EGFLAM: variants seen among roughly 807,000 people sequenced by gnomAD.
EGFLAM encodes the protein pikachurin.
EGFLAM carries 79 observed loss-of-function variants against 113.1 expected under a neutral mutation model. That is an observed-to-expected ratio of 0.70 (90% CI 0.58 to 0.84). The LOEUF (loss-of-function observed/expected upper bound fraction) is 0.84, where lower values mean the gene tolerates loss of function less well. Ranked by LOEUF, EGFLAM falls within the 40% of genes least tolerant of loss-of-function variation. The probability of loss-of-function intolerance (pLI) is 0.00; values close to 1 mark genes in which losing one functional copy is unlikely to be tolerated. For missense variants in EGFLAM, 1,265 were observed against 1,291.6 expected (o/e 0.98, Z 0.32); for synonymous variants, 504 against 487.6 (o/e 1.03, Z -0.44).
chr5:38,434,343 C>T (rs533838157), intron 15 of EGFLAM, among the ~76,000 whole-genome samples: 2 of 152,322 alleles, frequency 1.3e-5, no homozygotes, highest in South Asian at 2.1e-4. Flanking sequence ...GCTGATATCA[C>T]CTGCTCTTTT....
chr5:38,362,831 C>T (rs1056622595), intron 5 of EGFLAM, among the ~76,000 whole-genome samples: 8 of 152,162 alleles, frequency 5.3e-5, no homozygotes, highest in Admixed American at 2.0e-4. Context: ...ACCTGTAGTT[C>T]GGCAAATTGA....
chr5:38,323,678 G>T (rs1247399131), intron 1 of EGFLAM, among the ~76,000 whole-genome samples: 1 of 151,982 alleles, frequency 6.6e-6, no homozygotes, highest in Non-Finnish European at 1.5e-5. Context: ...GGAAGCACTA[G>T]CATGTTTCTA....
At chr5:38,312,601 A>G (rs1738485977) in intron 1 of EGFLAM, among the ~76,000 whole-genome samples, 1 of 152,158 alleles carries the variant, frequency 6.6e-6, no homozygotes, top group Non-Finnish European at 1.5e-5. Flanking sequence ...AATATATGGG[A>G]TCAGTTAAAA....
chr5:38,441,660 G>A (rs564534267), intron 17 of EGFLAM, among the ~76,000 whole-genome samples: 1 of 151,688 alleles, frequency 6.6e-6, no homozygotes, highest in Non-Finnish European at 1.5e-5. Flanking sequence ...GGCTTCTATG[G>A]TGAAATACAT....
intron 1 of EGFLAM, chr5:38,290,483 C>G (rs1758295682): frequency 6.6e-6 from 1 of 152,148 alleles, no homozygotes; most frequent in Admixed American, 6.5e-5. Flanking sequence ...GTGCAGTGAG[C>G]AAGATTTAAA....
At chr5:38,414,460 T>A (rs914377435) in intron 11 of EGFLAM, among the ~76,000 whole-genome samples, 5 of 152,220 alleles carry the variant, frequency 3.3e-5, no homozygotes, top group African/African-American at 1.2e-4. Context: ...GGTCATGTGG[T>A]AACAAGAAGC....
chr5:38,315,709 C>T (rs1738575790), intron 1 of EGFLAM, among the ~76,000 whole-genome samples: 1 of 152,184 alleles, frequency 6.6e-6, no homozygotes, highest in Non-Finnish European at 1.5e-5. Flanking sequence ...TATTTAATCT[C>T]TCTCTCGGCT....
At chr5:38,361,552 G>A (rs1561293861) in intron 5 of EGFLAM, among the ~76,000 whole-genome samples, 1 of 152,046 alleles carries the variant, frequency 6.6e-6, no homozygotes, top group Non-Finnish European at 1.5e-5. Flanking sequence ...TGGCTTCCCT[G>A]GGCCACATTG....
At chr5:38,335,252 T>G (rs1217502527) in intron 1 of EGFLAM, among the ~76,000 whole-genome samples, 1 of 152,238 alleles carries the variant, frequency 6.6e-6, no homozygotes, top group African/African-American at 2.4e-5. Context: ...CTAGAAACAC[T>G]GGCACATGTG....
intron 3 of EGFLAM, among the ~76,000 whole-genome samples, chr5:38,339,798 A>T (rs1003476140): frequency 6.6e-6 from 1 of 152,186 alleles, no homozygotes; most frequent in Non-Finnish European, 1.5e-5. Context: ...GAAGGAATAG[A>T]TGCACATTTC....
chr5:38,416,167 A>G (rs55976311), intron 11 of EGFLAM, among the ~76,000 whole-genome samples: 23,185 of 152,146 alleles, frequency 0.15, 1,860 homozygotes, highest in East Asian at 0.24. Flanking sequence ...GTAAAGCAGG[A>G]CCACAGATGT....
intron 1 of EGFLAM, among the ~76,000 whole-genome samples, chr5:38,321,268 G>A (rs906406212): frequency 6.6e-5 from 10 of 152,062 alleles, no homozygotes; most frequent in South Asian, 2.1e-4. Flanking sequence ...AATAGGGTTC[G>A]TGCTCCTATG....
In EGFLAM at chr5:38,337,592, T is replaced by G. The variant is rs774903237; in HGVS notation, c.170T>G (p.Met57Arg). Residue 57 changes from methionine (M) to arginine (R), a missense_variant, in exon 2 of 22, where the codon ATG becomes AGG. Physicochemically the swap from Met to Arg is moderately conservative, Grantham distance 91. Transcript: ENST00000322350. Reference protein sequence around the residue: ...NCTAFSIQWKMPRHPGSPILG... With the variant: ...NCTAFSIQWKRPRHPGSPILG... ...ACGGCTTTCAGCATCCAGTGGAAAA[T>G]GCCAAGGCATCCTGGAAGTCCCATC... The G allele has an allele frequency of 1.2e-6, 2 of 1,606,006 alleles. No homozygotes were observed. Among genetic ancestry groups the G allele is most frequent in the Non-Finnish European group, 1.7e-6 (2 of 1,175,682 alleles).
At chr5:38,412,801 C>T (rs1237778426) in intron 11 of EGFLAM, among the ~76,000 whole-genome samples, 153 bp downstream of exon 11, 1 of 152,154 alleles carries the variant, frequency 6.6e-6, no homozygotes, top group Non-Finnish European at 1.5e-5. Context: ...ACCCATGCAA[C>T]AGACCTTTGA....
chr5:38,295,800 C>T (rs1424511360), intron 1 of EGFLAM, among the ~76,000 whole-genome samples: 2 of 152,142 alleles, frequency 1.3e-5, no homozygotes, highest in Non-Finnish European at 1.5e-5. Context: ...TTAAGCAAAC[C>T]TCCTTTTTCA....
intron 6 of EGFLAM, among the ~76,000 whole-genome samples, chr5:38,397,655 G>A (rs150131484): frequency 1.3e-5 from 2 of 152,188 alleles, no homozygotes; most frequent in Middle Eastern, 3.4e-3. Context: ...GTTTCAATTA[G>A]GAATGCATTA....
At chr5:38,316,570 A>AT (rs1220733385) in intron 1 of EGFLAM, among the ~76,000 whole-genome samples, 4 of 152,174 alleles carry the variant, frequency 2.6e-5, no homozygotes, top group African/African-American at 9.7e-5. Context: ...TAGTGAATAC[A>AT]TTTTAGCTAT....
intron 10 of EGFLAM, among the ~76,000 whole-genome samples, chr5:38,410,335 C>T (rs773214802): frequency 3.3e-5 from 5 of 152,190 alleles, no homozygotes; most frequent in Non-Finnish European, 7.3e-5. Flanking sequence ...GGTCCTAGCA[C>T]TTGGAGGATC....
In EGFLAM at chr5:38,258,846, A is replaced by G. The variant is rs1253328440; in HGVS notation, c.92A>G (p.Lys31Arg). The change falls in exon 1 of 22, where the codon AAA becomes AGA. Residue 31 changes from lysine (K) to arginine (R), a missense_variant. Transcript: ENST00000322350. ...GTGTCGCTCCGAGCGGCCATCCGAAAACCAGGTAATGCGCTCCTCCGCCCA... is the reference window on the plus strand; with the variant it reads ...GTGTCGCTCCGAGCGGCCATCCGAAGACCAGGTAATGCGCTCCTCCGCCCA... ...GAVSLRAAIR[K>R]PGKVGPPLDI... is the part of the protein sequence containing the mutation. The G allele has an allele frequency of 6.2e-7, 1 of 1,611,576 alleles. No homozygotes were observed. The highest frequency in any genetic ancestry group is 1.3e-5 in the African/African-American group (1 of 74,852).
Sources: allele counts gnomAD v4.1 joint callset (sites outside exome capture counted in the v4.1 genomes callset), GRCh38; gene constraint gnomAD v4.1.1; transcripts MANE v1.5; gene names NCBI Gene and HGNC (gene_info 2026-07-23, HGNC 2026-07-21).